The following TIAM1 variants were observed in gnomAD, a reference collection of about 807,000 sequenced individuals.
TIAM1 encodes the protein TIAM Rac1 associated GEF 1, also known as rho guanine nucleotide exchange factor TIAM1.
In TIAM1, 65 loss-of-function variants were observed where a neutral mutation model predicts 163.5. That is an observed-to-expected ratio of 0.40 (90% confidence interval 0.33 to 0.49). The LOEUF is 0.49. TIAM1 is among the 20% of genes least tolerant of loss of function. TIAM1 has a pLI of 0.77. For missense variants in TIAM1, 1,789 were observed against 2,044.7 expected (o/e 0.87, Z 2.41); for synonymous variants, 833 against 810.1 (o/e 1.03, Z -0.48).
rs1382471892 is a variant in TIAM1, at chr21:31,141,380, G to A, written c.3600C>T (p.Leu1200=). The A allele has an allele frequency of 1.2e-6, 2 of 1,614,256 alleles. No individual in the cohort carries two copies. Among genetic ancestry groups the A allele is most frequent in the South Asian group, 1.1e-5 (1 of 91,088 alleles). Residue 1200 remains leucine, a synonymous_variant, in exon 21 of 28, where the codon CTC becomes CTT. Transcript: ENST00000541036. This position sits in a 1 kb window ranked among gnomAD's most constrained non-coding sequence, Gnocchi z 4.7. The part of the protein sequence containing the change: ...IQRILKYPLL[L]RELFALTDAE... ...CATCGGTCAGGGCGAACAGCTCCCT[G>A]AGCAGAAGTGGGTACTTGAGGATCC...
At chr21:31,154,224 A>T (rs370893418) in intron 17 of TIAM1, 23 bp downstream of exon 17, 1 of 1,609,630 alleles carries the variant, frequency 6.2e-7, no homozygotes, top group African/African-American at 1.3e-5. Flanking sequence ...GAGGGAGGGC[A>T]GGGGGAGAAA....
chr21:31,280,823 G>C (rs1448031673), intron 2 of TIAM1, among the ~76,000 whole-genome samples: 2 of 150,226 alleles, frequency 1.3e-5, no homozygotes, highest in African/African-American at 4.9e-5. Context: ...CTTGGGGGTG[G>C]GGGGGCAGGG....
chr21:31,534,681 G>A (rs536996801), intron 1 of TIAM1, among the ~76,000 whole-genome samples: 2 of 151,628 alleles, frequency 1.3e-5, no homozygotes, highest in African/African-American at 2.4e-5. Context: ...CTCAAAAACA[G>A]AATCCAAAAT....
intron 2 of TIAM1, among the ~76,000 whole-genome samples, chr21:31,306,572 A>G (rs1033539042): frequency 6.6e-6 from 1 of 152,210 alleles, no homozygotes; most frequent in Non-Finnish European, 1.5e-5. Flanking sequence ...GGGAGCACTC[A>G]GAGAACACAC....
intron 5 of TIAM1, among the ~76,000 whole-genome samples, chr21:31,248,821 A>G (rs2071640168): frequency 6.6e-6 from 1 of 152,154 alleles, no homozygotes; most frequent in South Asian, 2.1e-4. Context: ...TGTGTCACTC[A>G]GCTCTGCGTC....
intron 2 of TIAM1, among the ~76,000 whole-genome samples, chr21:31,458,141 CGGGTGCGGG>C (rs2045179542): frequency 6.6e-6 from 1 of 152,168 alleles, no homozygotes; most frequent in African/African-American, 2.4e-5. Context: ...AACAATCGGC[CGGGTGCGGG>C]GGCTCACGCC....
intron 6 of TIAM1, among the ~76,000 whole-genome samples, chr21:31,236,889 G>C (rs886135852): frequency 1.3e-5 from 2 of 152,148 alleles, no homozygotes; most frequent in African/African-American, 4.8e-5. Context: ...GGGAACCTTA[G>C]GCAGGGTTGC....
intron 1 of TIAM1, among the ~76,000 whole-genome samples, chr21:31,491,131 A>G (rs2046455202): frequency 6.6e-6 from 1 of 151,568 alleles, no homozygotes; most frequent in Non-Finnish European, 1.5e-5. Flanking sequence ...TTCCGTCGAA[A>G]GAAAGAAAGA....
rs558257456 is a variant in TIAM1 at position 31,182,480 on chromosome 21, C to A, written c.2828G>T (p.Arg943Leu). The A allele has an allele frequency of 6.2e-7, 1 of 1,610,798 alleles. No individual in the cohort carries two copies. Among genetic ancestry groups the A allele is most frequent in the Non-Finnish European group, 8.5e-7 (1 of 1,178,708 alleles). ...GVELLESPPH[R>L]VDGPADLGES... is the part of the protein sequence containing the mutation. The stretch of plus-strand genomic sequence containing the variant: ...GCCAAGGTCGGCAGGGCCGTCCACT[C>A]GGTGGGGCGGGCTTTCCAGCAGCTC... Residue 943 changes from arginine to leucine, a missense_variant, in exon 15 of 28, where the codon CGA (arginine) becomes CTA (leucine). Coordinates refer to ENST00000541036, the MANE Select transcript of TIAM1 (RefSeq NM_001353694.2).
At chr21:31,515,933 C>T (rs2047365755) in intron 1 of TIAM1, among the ~76,000 whole-genome samples, 1 of 150,714 alleles carries the variant, frequency 6.6e-6, no homozygotes, top group Non-Finnish European at 1.5e-5. Context: ...CATGGCAAAA[C>T]CCCATCTGTA....
At chr21:31,367,869 C>T (rs537559827) in intron 2 of TIAM1, among the ~76,000 whole-genome samples, 2 of 152,156 alleles carry the variant, frequency 1.3e-5, no homozygotes, top group East Asian at 3.8e-4. Context: ...CTTGGAATCA[C>T]GTAATCAATA....
At chr21:31,221,811 T>C (rs1034169739) in intron 8 of TIAM1, among the ~76,000 whole-genome samples, 5 of 152,174 alleles carry the variant, frequency 3.3e-5, no homozygotes, top group African/African-American at 1.2e-4. Flanking sequence ...TCTATCCTAG[T>C]TTTTTTGTTT....
chr21:31,121,293 A>C (rs1954149900), intron 27 of TIAM1, among the ~76,000 whole-genome samples: 2 of 152,164 alleles, frequency 1.3e-5, no homozygotes, highest in African/African-American at 4.8e-5. Context: ...GGGCTGTCCC[A>C]GGGTTGTTTA....
chr21:31,253,865 T>C (rs2071949351), intron 4 of TIAM1, among the ~76,000 whole-genome samples: 1 of 152,222 alleles, frequency 6.6e-6, no homozygotes, highest in South Asian at 2.1e-4. Context: ...AAAACACTGT[T>C]ATCAACCCAC....
intron 1 of TIAM1, among the ~76,000 whole-genome samples, chr21:31,548,807 T>C (rs1405165728): frequency 1.3e-5 from 2 of 152,068 alleles, no homozygotes. Context: ...CATTATTGAC[T>C]ATGGACCTGA....
intron 6 of TIAM1, among the ~76,000 whole-genome samples, chr21:31,234,366 G>A (rs1309131267): frequency 7.8e-6 from 1 of 127,740 alleles, no homozygotes. Flanking sequence ...AGGTGGGGAA[G>A]GAAGGAAGGA....
At chr21:31,557,491 C>G (rs933124) in intron 1 of TIAM1, among the ~76,000 whole-genome samples, 6 of 152,104 alleles carry the variant, frequency 3.9e-5, no homozygotes, top group Non-Finnish European at 7.4e-5. Context: ...AACTGAGACA[C>G]AGGAAGATAG....
chr21:31,368,470 C>T (rs1417753857), intron 2 of TIAM1, among the ~76,000 whole-genome samples: 1 of 152,188 alleles, frequency 6.6e-6, no homozygotes, highest in Non-Finnish European at 1.5e-5. Context: ...GACTTCAAAT[C>T]CAAAATATCC....
At chr21:31,396,963 T>C (rs1483111325) in intron 2 of TIAM1, among the ~76,000 whole-genome samples, 2 of 151,544 alleles carry the variant, frequency 1.3e-5, no homozygotes, top group Non-Finnish European at 2.9e-5. Flanking sequence ...ACAAAAAAAA[T>C]TTAAATAATA....
Sources: allele counts gnomAD v4.1 joint callset (sites outside exome capture counted in the v4.1 genomes callset), GRCh38; gene constraint gnomAD v4.1.1; non-coding constraint Gnocchi (gnomAD v3.1); transcripts MANE v1.5; gene names NCBI Gene and HGNC (gene_info 2026-07-23, HGNC 2026-07-21).